The following PIK3R3 variants were observed in gnomAD, a reference collection of about 807,000 sequenced individuals.
PIK3R3 encodes phosphoinositide-3-kinase regulatory subunit 3, also known as phosphatidylinositol 3-kinase regulatory subunit gamma.
In PIK3R3, 64 loss-of-function variants were observed where a neutral mutation model predicts 62.9. The observed-to-expected ratio is 1.02, with a 90% CI of 0.83 to 1.25. PIK3R3 has a LOEUF of 1.25. PIK3R3 is among the 50% of genes most tolerant of loss of function. PIK3R3 has a pLI of 0.00. For missense variants in PIK3R3, 614 were observed against 561.6 expected, an observed-to-expected ratio of 1.09 and a Z score of -0.94; for synonymous variants, 165 against 189.0, an observed-to-expected ratio of 0.87 and a Z score of 1.04.
intron 1 of PIK3R3, among the ~76,000 whole-genome samples, chr1:46,086,093 G>A (rs371478852): frequency 1.2e-4 from 18 of 151,968 alleles, no homozygotes; most frequent in Non-Finnish European, 1.9e-4. Flanking sequence ...TTTCAATTCC[G>A]TTTTAATTAA....
At chr1:46,126,399 A>C (rs904027733) in intron 1 of PIK3R3, among the ~76,000 whole-genome samples, 1 of 151,956 alleles carries the variant, frequency 6.6e-6, no homozygotes, top group African/African-American at 2.4e-5. Context: ...TTAGCCAGGC[A>C]TGGTGGTAGG....
chr1:46,064,531 A>G (rs1648821043), intron 5 of PIK3R3, among the ~76,000 whole-genome samples: 1 of 152,198 alleles, frequency 6.6e-6, no homozygotes, highest in Non-Finnish European at 1.5e-5. Flanking sequence ...ACAGAGCAAG[A>G]TTCTGTCTCA....
At position 46,126,879 on chromosome 1, in the gene PIK3R3, T is replaced by C. The variant is rs114557492; in HGVS notation, c.106+4968A>G. On this transcript the variant is annotated intron_variant, in intron 1 of 9. Transcript: ENST00000262741. Reference sequence around the variant, plus strand: ...ACAAATATCAATAGATATAATCCACTTAAAGAGAAGCCCTTTGAGGTCTTC... The same window carrying C: ...ACAAATATCAATAGATATAATCCACCTAAAGAGAAGCCCTTTGAGGTCTTC... Among the ~76,000 whole-genome samples the C allele has an allele frequency of 2.0e-3, 307 of 152,266 alleles. 2 individuals carry two copies. The highest frequency in any genetic ancestry group is 7.2e-3 in the African/African-American group (300 of 41,556).
chr1:46,108,966 T>C (rs1653466160), intron 1 of PIK3R3, among the ~76,000 whole-genome samples: 1 of 152,198 alleles, frequency 6.6e-6, no homozygotes, highest in South Asian at 2.1e-4. Flanking sequence ...GAGACTATCC[T>C]GGCTAACACG....
At chr1:46,060,357 G>T (rs1648368681) in intron 6 of PIK3R3, among the ~76,000 whole-genome samples, 2 of 151,914 alleles carry the variant, frequency 1.3e-5, no homozygotes, top group African/African-American at 4.8e-5. Flanking sequence ...GGGCATGGTG[G>T]GGGGTGCCTG....
chr1:46,081,990 A>T (rs1456807682), intron 1 of PIK3R3, among the ~76,000 whole-genome samples: 1 of 151,722 alleles, frequency 6.6e-6, no homozygotes, highest in Non-Finnish European at 1.5e-5. Flanking sequence ...ATATGTGTTC[A>T]TGCAGATATA....
Position 46,046,575 on chromosome 1 carries a change from C to A in PIK3R3, c.992G>T (p.Gly331Val). The A allele has an allele frequency of 6.2e-7, 1 of 1,613,238 alleles. No individual in the cohort carries two copies. The highest frequency in any genetic ancestry group is 8.5e-7 in the Non-Finnish European group (1 of 1,179,176). ...VRQKRLNVWLGIKNEDADENY... is the reference protein window; with the variant it reads ...VRQKRLNVWLVIKNEDADENY... ...CTCATCAGCATCCTCATTCTTAATTCCCAGCCAGACATTCAGGCGTTTCTG... is the reference window on the plus strand; with the variant it reads ...CTCATCAGCATCCTCATTCTTAATTACCAGCCAGACATTCAGGCGTTTCTG... Residue 331 changes from glycine (G) to valine (V), a missense_variant, in exon 8 of 10, where the codon GGA becomes GTA. Physicochemically the swap from Gly to Val is moderately radical, Grantham distance 109. Coordinates refer to ENST00000262741, the MANE Select transcript of PIK3R3 (RefSeq NM_003629.4).
chr1:46,135,091 A>G (rs111582588), upstream of PIK3R3, among the ~76,000 whole-genome samples: 1 of 152,230 alleles, frequency 6.6e-6, no homozygotes, highest in African/African-American at 2.4e-5. Flanking sequence ...CATGGGGGAA[A>G]GCACCTGTGA....
At chr1:46,053,307 T>C (rs1640203909) in intron 7 of PIK3R3, among the ~76,000 whole-genome samples, 2 of 152,198 alleles carry the variant, frequency 1.3e-5, no homozygotes, top group Non-Finnish European at 2.9e-5. Context: ...TGGTTTTTGT[T>C]GTCTTTTTTT....
At chr1:46,073,067 C>T (rs1649694747) in intron 3 of PIK3R3, among the ~76,000 whole-genome samples, 1 of 152,072 alleles carries the variant, frequency 6.6e-6, no homozygotes, top group African/African-American at 2.4e-5. Context: ...TCCCCAACCT[C>T]AGATAATTTA....
chr1:46,132,995 G>A (rs945536293), upstream of PIK3R3: 177 of 1,076,384 alleles, frequency 1.6e-4, no homozygotes, highest in Non-Finnish European at 1.9e-4. Flanking sequence ...AGTGGGGCGA[G>A]GGAAGAGAGG....
intron 8 of PIK3R3, 69 bp downstream of exon 8, chr1:46,046,482 G>A (rs530391438): frequency 3.1e-5 from 31 of 996,636 alleles, no homozygotes; most frequent in East Asian, 2.4e-4. Context: ...TATTTACCAC[G>A]TATAAACAAG....
At chr1:46,054,394 T>TTAAA (rs1647666546) in intron 7 of PIK3R3, among the ~76,000 whole-genome samples, 1 of 24,246 alleles carries the variant, frequency 4.1e-5, no homozygotes, top group African/African-American at 1.4e-4. Context: ...AGACTCCGCC[T>TTAAA]CACAAAAAAA....
At chr1:46,131,531 A>C (rs933664170) in intron 1 of PIK3R3, among the ~76,000 whole-genome samples, 1 of 152,144 alleles carries the variant, frequency 6.6e-6, no homozygotes, top group Non-Finnish European at 1.5e-5. Flanking sequence ...AAATAAAATA[A>C]AGTGGCGGGC....
Position 46,044,931 on chromosome 1 carries a change from A to G in PIK3R3, c.1187+987T>C, listed in dbSNP as rs947110561. Among the ~76,000 whole-genome samples the G allele has an allele frequency of 6.6e-6, 1 of 152,252 alleles. No individual in the cohort carries two copies. Among genetic ancestry groups the G allele is most frequent in the African/African-American group, 2.4e-5 (1 of 41,462 alleles). On this transcript the variant is annotated intron_variant, in intron 9 of 9. Coordinates refer to ENST00000262741, the MANE Select transcript of PIK3R3 (RefSeq NM_003629.4). This position sits in a 1 kb window ranked among gnomAD's most constrained non-coding sequence, Gnocchi z 4.2. ...AGAGCACTATGAACAAGATGATCAC[A>G]TAAAGCACTGAGCAGTCTGTTAATA...
chr1:46,099,322 A>AT (rs974266732), intron 1 of PIK3R3, among the ~76,000 whole-genome samples: 1 of 152,156 alleles, frequency 6.6e-6, no homozygotes, highest in South Asian at 2.1e-4. Flanking sequence ...ACCTAGTACA[A>AT]TTTTTTATAT....
chr1:46,145,239 A>G, the PIK3R3 span, among the ~76,000 whole-genome samples: 1 of 151,626 alleles, frequency 6.6e-6, no homozygotes, highest in East Asian at 1.9e-4. Flanking sequence ...TTTTCTTCCT[A>G]CCCTTGGCTC....
the PIK3R3 span, among the ~76,000 whole-genome samples, chr1:46,167,556 G>A: frequency 6.6e-6 from 1 of 152,190 alleles, no homozygotes; most frequent in Admixed American, 6.5e-5. Context: ...CCTGGAGGTG[G>A]TGAGTATAAC....
At chr1:46,168,060 G>A in the PIK3R3 span, among the ~76,000 whole-genome samples, 2 of 152,050 alleles carry the variant, frequency 1.3e-5, no homozygotes, top group South Asian at 2.1e-4. Context: ...GGAGGCTGAC[G>A]CATGCACTTG....
Sources: gnomAD v4.1 joint callset for allele counts (sites outside exome capture counted in the v4.1 genomes callset) on GRCh38, gnomAD v4.1.1 for gene constraint, Gnocchi (gnomAD v3.1) non-coding constraint, MANE v1.5 for transcripts, NCBI Gene and HGNC (gene_info 2026-07-23, HGNC 2026-07-21) for gene names.